Variants in NAALADL2 observed in about 807,000 individuals in gnomAD.
The protein encoded by NAALADL2 is N-acetylated alpha-linked acidic dipeptidase like 2, also known as inactive N-acetylated-alpha-linked acidic dipeptidase-like protein 2.
In NAALADL2, 76 loss-of-function variants were observed where a neutral mutation model predicts 87.2. The ratio of observed to expected loss-of-function variants is 0.87; its 90% CI spans 0.72 to 1.05. NAALADL2 has a LOEUF of 1.05. Among genes scored for constraint, NAALADL2 ranks in the 50% least tolerant of loss-of-function variants. The pLI, the probability that NAALADL2 is intolerant of heterozygous loss-of-function variation, is 0.00. For missense variants in NAALADL2, 1,089 were observed against 945.8 expected (o/e 1.15, Z -1.99); for synonymous variants, 354 against 331.0 (o/e 1.07, Z -0.75).
At chr3:174,613,096 C>T (rs188117531) in intron 2 of NAALADL2, among the ~76,000 whole-genome samples, 11 of 152,270 alleles carry the variant, frequency 7.2e-5, no homozygotes, top group Admixed American at 3.3e-4. Context: ...TTTGGATTGC[C>T]AGGCAGAGAC....
chr3:174,697,030 T>A (rs973953894), intron 2 of NAALADL2, among the ~76,000 whole-genome samples: 1 of 152,172 alleles, frequency 6.6e-6, no homozygotes, highest in African/African-American at 2.4e-5. Flanking sequence ...ATATTTTAAA[T>A]TGTAAAAGCA....
chr3:175,730,441 T>TATATAC (rs1743578192), intron 11 of NAALADL2, among the ~76,000 whole-genome samples: 1 of 63,056 alleles, frequency 1.6e-5, no homozygotes, highest in South Asian at 4.4e-4. Context: ...TATATATATA[T>TATATAC]ATACACACAT....
chr3:175,248,676 C>T (rs1484759666), intron 3 of NAALADL2, among the ~76,000 whole-genome samples: 1 of 152,076 alleles, frequency 6.6e-6, no homozygotes, highest in African/African-American at 2.4e-5. Context: ...TTTTGGTGCT[C>T]AGAACAGAAA....
chr3:174,793,318 C>T (rs1717687917), intron 3 of NAALADL2, among the ~76,000 whole-genome samples: 1 of 152,068 alleles, frequency 6.6e-6, no homozygotes, highest in South Asian at 2.1e-4. Flanking sequence ...CAATACAAGT[C>T]AGCTAGCACC....
rs377363073 is a variant in NAALADL2 at position 175,001,792 on chromosome 3, C to T, written c.44-94998C>T. On this transcript the variant is annotated intron_variant, in intron 1 of 13. Coordinates refer to ENST00000454872, the MANE Select transcript of NAALADL2 (RefSeq NM_207015.3). ...TCATCAGAATATAGTACAGGTTGAG[C>T]ATCCTAAGCTGAAAACCCCAAATCT... Among the ~76,000 whole-genome samples the T allele has an allele frequency of 5.9e-5, 9 of 152,238 alleles. No homozygotes were observed. In the East Asian group the frequency reaches 1.7e-3, roughly 29 times the overall value.
intron 12 of NAALADL2, among the ~76,000 whole-genome samples, chr3:175,753,205 G>C (rs1328031082): frequency 6.6e-6 from 1 of 152,092 alleles, no homozygotes; most frequent in Non-Finnish European, 1.5e-5. Context: ...TGAGCAGGGA[G>C]CTACATATTA....
chr3:174,748,624 G>T (rs932221920), intron 3 of NAALADL2, among the ~76,000 whole-genome samples: 1 of 152,162 alleles, frequency 6.6e-6, no homozygotes, highest in Non-Finnish European at 1.5e-5. Context: ...TGGAAAAGAT[G>T]CCAGCATTGT....
At chr3:175,268,674 T>C (rs1752341600) in intron 4 of NAALADL2, among the ~76,000 whole-genome samples, 1 of 152,150 alleles carries the variant, frequency 6.6e-6, no homozygotes, top group Non-Finnish European at 1.5e-5. Context: ...CCTTGTTCTA[T>C]AGAAGTCCTT....
At chr3:175,159,205 T>A (rs1342357864) in intron 2 of NAALADL2, among the ~76,000 whole-genome samples, 1 of 152,138 alleles carries the variant, frequency 6.6e-6, no homozygotes, top group Non-Finnish European at 1.5e-5. Context: ...ACAAGTGCAA[T>A]GAAAAAATCA....
At chr3:174,546,055 A>C (rs1309991422) in intron 1 of NAALADL2, among the ~76,000 whole-genome samples, 1 of 151,624 alleles carries the variant, frequency 6.6e-6, no homozygotes, top group Non-Finnish European at 1.5e-5. Context: ...TAATTGTTAA[A>C]TACTAATTTT....
At chr3:174,531,301 CT>C in intron 1 of NAALADL2, among the ~76,000 whole-genome samples, 1 of 150,950 alleles carries the variant, frequency 6.6e-6, no homozygotes, top group East Asian at 2.0e-4. Context: ...TCTGTCTTAG[CT>C]TGGAGTCAAA....
At chr3:174,709,142 A>C (rs1436181100) in intron 2 of NAALADL2, among the ~76,000 whole-genome samples, 2 of 152,124 alleles carry the variant, frequency 1.3e-5, no homozygotes, top group Non-Finnish European at 2.9e-5. Context: ...ATTTGAGATA[A>C]CCTTGAACAC....
intron 2 of NAALADL2, among the ~76,000 whole-genome samples, chr3:174,653,529 G>GTATT (rs761089987): frequency 4.6e-5 from 7 of 152,116 alleles, no homozygotes; most frequent in Non-Finnish European, 1.0e-4. Flanking sequence ...TTAATTTCAA[G>GTATT]TATAATGTGT....
chr3:175,579,017 C>A (rs1719339462), intron 10 of NAALADL2, among the ~76,000 whole-genome samples: 1 of 152,178 alleles, frequency 6.6e-6, no homozygotes, highest in African/African-American at 2.4e-5. Flanking sequence ...CCTGTAGGGA[C>A]TGAGCTCATT....
chr3:175,380,031 A>G (rs1767606662), intron 5 of NAALADL2, among the ~76,000 whole-genome samples: 2 of 152,044 alleles, frequency 1.3e-5, no homozygotes, highest in South Asian at 4.1e-4. Flanking sequence ...GGGGAACATC[A>G]CACACCAGGG....
chr3:175,177,044 T>C (rs1735792448), intron 2 of NAALADL2, among the ~76,000 whole-genome samples: 1 of 152,118 alleles, frequency 6.6e-6, no homozygotes, highest in African/African-American at 2.4e-5. Context: ...AATTATAAAG[T>C]AGATTAAGTT....
chr3:174,809,809 A>G (rs796990934), intron 3 of NAALADL2, among the ~76,000 whole-genome samples: 46 of 152,218 alleles, frequency 3.0e-4, no homozygotes, highest in African/African-American at 9.6e-4. Context: ...TGCAATCCCA[A>G]TGTTGGAGGT....
chr3:174,890,963 A>AT (rs1169389830), intron 1 of NAALADL2, among the ~76,000 whole-genome samples: 2 of 152,004 alleles, frequency 1.3e-5, no homozygotes, highest in Non-Finnish European at 2.9e-5. Context: ...TAAGAAAATT[A>AT]TTTTTTTATT....
intron 4 of NAALADL2, among the ~76,000 whole-genome samples, chr3:175,292,367 T>C (rs762025465): frequency 1.3e-5 from 2 of 152,254 alleles, no homozygotes; most frequent in African/African-American, 2.4e-5. Flanking sequence ...GTATTTATCT[T>C]TGTGGCAGCT....
Sources: allele counts gnomAD v4.1 joint callset (sites outside exome capture counted in the v4.1 genomes callset), GRCh38; gene constraint gnomAD v4.1.1; transcripts MANE v1.5; gene names NCBI Gene and HGNC (gene_info 2026-07-23, HGNC 2026-07-21).